The following ANO4 variants were observed in gnomAD, a reference collection of about 807,000 sequenced individuals.
ANO4 encodes anoctamin-4.
In ANO4, 69 loss-of-function variants were observed where a neutral mutation model predicts 141.9. The ratio of observed to expected loss-of-function variants is 0.49; its 90% confidence interval spans 0.40 to 0.59. The LOEUF (loss-of-function observed/expected upper bound fraction) is 0.59. Ranked by LOEUF, ANO4 falls within the 20% of genes least tolerant of loss-of-function variation. The pLI is 0.00. For missense variants in ANO4, 894 were observed against 1,162.2 expected (o/e 0.77, Z 3.36); for synonymous variants, 350 against 394.3 (o/e 0.89, Z 1.33).
intron 17 of ANO4, among the ~76,000 whole-genome samples, chr12:101,088,298 C>A (rs1285845577): frequency 1.3e-5 from 2 of 152,118 alleles, no homozygotes; most frequent in Admixed American, 6.6e-5. Context: ...TCCTTCCAGT[C>A]TTTGTTCAAA....
intron 15 of ANO4, among the ~76,000 whole-genome samples, chr12:101,081,237 AC>A (rs1474639981): frequency 6.6e-6 from 1 of 151,984 alleles, no homozygotes; most frequent in African/African-American, 2.4e-5. Flanking sequence ...TGGGCAATTT[AC>A]TTCACCTTTG....
chr12:100,769,400 G>A (rs1207557343), intron 3 of ANO4, among the ~76,000 whole-genome samples: 2 of 152,208 alleles, frequency 1.3e-5, no homozygotes, highest in Non-Finnish European at 2.9e-5. Context: ...CTAATAAGGA[G>A]AGTTTATAGT....
At chr12:100,966,390 G>T (rs373951990) in intron 5 of ANO4, among the ~76,000 whole-genome samples, 1 of 152,110 alleles carries the variant, frequency 6.6e-6, no homozygotes, top group South Asian at 2.1e-4. Context: ...AGATCACAGG[G>T]CTGGTAAGAG....
chr12:100,797,136 A>G (rs918755737), intron 1 of ANO4, among the ~76,000 whole-genome samples: 4 of 151,440 alleles, frequency 2.6e-5, no homozygotes, highest in Non-Finnish European at 2.9e-5. Context: ...GTGTGTATAT[A>G]TATATATATA....
chr12:100,988,567 C>A (rs535492919), intron 8 of ANO4, among the ~76,000 whole-genome samples: 63 of 149,606 alleles, frequency 4.2e-4, no homozygotes, highest in African/African-American at 1.5e-3. Context: ...AAAAAGGTTG[C>A]TGATTTTGTG....
At chr12:100,770,406 A>G (rs538311465) in intron 3 of ANO4, among the ~76,000 whole-genome samples, 19 of 152,186 alleles carry the variant, frequency 1.2e-4, no homozygotes, top group Non-Finnish European at 2.6e-4. Context: ...CATTACATGG[A>G]TTTTGATTTT....
chr12:101,110,671 T>C, intron 23 of ANO4, 115 bp downstream of exon 23: 1 of 932,516 alleles, frequency 1.1e-6, no homozygotes, highest in East Asian at 3.1e-5. Flanking sequence ...ATAATTCACC[T>C]AATTTTTGCA....
chr12:100,780,734 C>A (rs1303393273), intron 3 of ANO4, among the ~76,000 whole-genome samples: 1 of 152,132 alleles, frequency 6.6e-6, no homozygotes. Context: ...TGATCTCCTA[C>A]CTCATCCCTA....
chr12:100,724,950 A>G lies in ANO4; in HGVS notation c.22+7403A>G, dbSNP rs537851207. Among the ~76,000 whole-genome samples the G allele has an allele frequency of 2.6e-5, 4 of 152,330 alleles. No individual in the cohort carries two copies. In the East Asian group the frequency reaches 7.7e-4, roughly 29 times the overall value. On this transcript the variant is annotated intron_variant, in intron 1 of 29. Transcript: ENST00000644049. ...ACTAGTCGGTTCTTTAGAACCTTTT[A>G]TAAACAATTTAGATTGCTTTTTAAA...
Position 100,925,846 on chromosome 12 carries a change from T to TAC in ANO4, c.160+3526_160+3527dup, listed in dbSNP as rs1266783221. On this transcript the variant is annotated intron_variant, in intron 3 of 27. Transcript: ENST00000392977. ...ATACATATATATACATACATATATA[T>TAC]ACACACACACATATATATATATATG... Among the ~76,000 whole-genome samples the TAC allele has an allele frequency of 1.0e-3, 155 of 148,288 alleles. 2 individuals carry two copies. The highest frequency in any genetic ancestry group is 2.8e-4 in the Non-Finnish European group (19 of 67,244).
At chr12:100,870,684 A>G (rs1183261308) in intron 1 of ANO4, among the ~76,000 whole-genome samples, 1 of 152,110 alleles carries the variant, frequency 6.6e-6, no homozygotes, top group Non-Finnish European at 1.5e-5. Context: ...CTGGAGGACA[A>G]TAAGTAAACT....
intron 5 of ANO4, among the ~76,000 whole-genome samples, chr12:100,956,743 C>T (rs1286037708): frequency 1.3e-5 from 2 of 152,180 alleles, no homozygotes; most frequent in Non-Finnish European, 2.9e-5. Context: ...CTGTTACAGG[C>T]GTTCGCTGTT....
intron 1 of ANO4, among the ~76,000 whole-genome samples, chr12:100,856,591 A>C (rs1232498173): frequency 6.6e-6 from 1 of 152,156 alleles, no homozygotes; most frequent in Non-Finnish European, 1.5e-5. Context: ...AGGGGAAGCT[A>C]TTTCAGCTTG....
At chr12:101,102,536 T>A (rs1231903816) in intron 22 of ANO4, among the ~76,000 whole-genome samples, 1 of 152,178 alleles carries the variant, frequency 6.6e-6, no homozygotes, top group Non-Finnish European at 1.5e-5. Flanking sequence ...AAGCCCATGT[T>A]TTTTTTGTGG....
At chr12:100,912,792 G>A (rs1300084552) in intron 2 of ANO4, among the ~76,000 whole-genome samples, 2 of 152,198 alleles carry the variant, frequency 1.3e-5, no homozygotes, top group Non-Finnish European at 2.9e-5. Context: ...GGGGTGGCTG[G>A]AAGATAAAAT....
intron 14 of ANO4, among the ~76,000 whole-genome samples, chr12:101,073,871 A>AGGTTTT (rs1171926287): frequency 6.6e-6 from 1 of 152,100 alleles, no homozygotes; most frequent in East Asian, 1.9e-4. Context: ...ATTTGTGGGT[A>AGGTTTT]TGTTTTTATT....
intron 24 of ANO4, among the ~76,000 whole-genome samples, chr12:101,113,157 G>A (rs1034081791): frequency 6.6e-6 from 1 of 152,156 alleles, no homozygotes; most frequent in East Asian, 1.9e-4. Flanking sequence ...TGTGAAGGTG[G>A]AGCCTCGACT....
intron 4 of ANO4, 84 bp downstream of exon 4, chr12:100,939,535 C>A: frequency 1.4e-6 from 2 of 1,429,780 alleles, no homozygotes; most frequent in South Asian, 1.5e-5. Flanking sequence ...TGTTTAAAGT[C>A]ATAATCTCAT....
At chr12:100,893,032 G>C (rs1252837650) in intron 1 of ANO4, among the ~76,000 whole-genome samples, 2 of 152,146 alleles carry the variant, frequency 1.3e-5, no homozygotes, top group African/African-American at 4.8e-5. Context: ...GACAATCACA[G>C]TGCAGTTGGG....
Sources: allele counts gnomAD v4.1 joint callset (sites outside exome capture counted in the v4.1 genomes callset), GRCh38; gene constraint gnomAD v4.1.1; transcripts MANE v1.5; gene names NCBI Gene and HGNC (gene_info 2026-07-23, HGNC 2026-07-21).